CRIM1: variants seen among roughly 807,000 people sequenced by gnomAD.
The protein encoded by CRIM1 is cysteine rich transmembrane BMP regulator 1.
In CRIM1, 32 loss-of-function variants were observed where a neutral mutation model predicts 116.4. The observed-to-expected ratio is 0.27, with a 90% CI of 0.21 to 0.37. The LOEUF (loss-of-function observed/expected upper bound fraction) is 0.37. Among genes scored for constraint, CRIM1 ranks in the 10% least tolerant of loss-of-function variants. The probability of loss-of-function intolerance (pLI) is 1.00; values close to 1 mark genes in which losing one functional copy is unlikely to be tolerated. For missense variants in CRIM1, 1,331 were observed against 1,354.8 expected (o/e 0.98, Z 0.28); for synonymous variants, 590 against 509.2 (o/e 1.16, Z -2.13).
intron 8 of CRIM1, among the ~76,000 whole-genome samples, chr2:36,506,157 ACTCTCTCT>A (rs1191448142): frequency 4.8e-5 from 6 of 125,204 alleles, no homozygotes; most frequent in African/African-American, 1.6e-4. Flanking sequence ...ACACACACAC[ACTCTCTCT>A]CTCTCTCTCT....
chr2:36,500,544 C>T (rs932701988), intron 8 of CRIM1, among the ~76,000 whole-genome samples: 43 of 152,074 alleles, frequency 2.8e-4, no homozygotes, highest in Admixed American at 2.7e-3. Flanking sequence ...TATAAATACC[C>T]GGCCAAATAT....
chr2:36,479,535 G>T lies in CRIM1; in HGVS notation c.1213G>T (p.Ala405Ser). 6.2e-7 allele frequency: 1 copy of T among 1,614,204 alleles called. No individual in the cohort carries two copies. Among genetic ancestry groups the T allele is most frequent in the Non-Finnish European group, 8.5e-7 (1 of 1,180,030 alleles). ...YPFNNPAGCY[A>S]NGLILAHGDR... ...TTTTAATAATCCCGCTGGCTGCTATGCCAATGGCCTGATCCTTGCCCACGG... is the reference window on the plus strand; with the variant it reads ...TTTTAATAATCCCGCTGGCTGCTATTCCAATGGCCTGATCCTTGCCCACGG... Residue 405 changes from alanine to serine, a missense_variant, in exon 7 of 17, where the codon GCC becomes TCC. Ala to Ser is a moderately conservative substitution (Grantham distance 99). This residue lies in a region of CRIM1 where 690 missense variants were observed against 676.0 expected (regional missense o/e 1.02). Transcript: ENST00000280527.
chr2:36,355,813 C>T lies in CRIM1; in HGVS notation c.-480C>T, dbSNP rs1668759612. ...CGAGCGGGGCGCGCGGAGCGGACGCCGCGGATCTTGTGCTGCGCCACCGCG... is the reference window on the plus strand; with the variant it reads ...CGAGCGGGGCGCGCGGAGCGGACGCTGCGGATCTTGTGCTGCGCCACCGCG... On this transcript the variant is annotated 5_prime_UTR_variant, in exon 1 of 17. Transcript: ENST00000280527. 6.6e-6 allele frequency: 1 copy of T among 151,248 alleles called. No individual in the cohort carries two copies. Among genetic ancestry groups the T allele is most frequent in the Non-Finnish European group, 1.5e-5 (1 of 67,808 alleles). 9.4% of individuals were successfully genotyped at this position (151,248 alleles called of 1,614,324 possible). A position where few individuals can be genotyped will look rare whatever the true frequency, so the allele number is the denominator to read the frequency against.
intron 1 of CRIM1, among the ~76,000 whole-genome samples, chr2:36,361,539 AG>A (rs890156930): frequency 6.6e-6 from 1 of 152,120 alleles, no homozygotes; most frequent in Non-Finnish European, 1.5e-5. Flanking sequence ...GGAGGTAATG[AG>A]GGGGTGGACT....
intron 4 of CRIM1, among the ~76,000 whole-genome samples, chr2:36,446,919 C>G (rs955783195): frequency 1.3e-5 from 2 of 152,174 alleles, no homozygotes; most frequent in African/African-American, 2.4e-5. Context: ...TGTACAGATG[C>G]TGCTGTGCAT....
intron 4 of CRIM1, among the ~76,000 whole-genome samples, chr2:36,447,761 A>G (rs1676362605): frequency 6.6e-6 from 1 of 152,134 alleles, no homozygotes; most frequent in South Asian, 2.1e-4. Flanking sequence ...GGCCATTTTT[A>G]ATCCACCCTA....
intron 8 of CRIM1, among the ~76,000 whole-genome samples, chr2:36,505,957 A>T (rs1037878345): frequency 1.3e-5 from 2 of 152,144 alleles, no homozygotes; most frequent in Non-Finnish European, 1.5e-5. Context: ...CGTTTGTGTG[A>T]TTATCACCTG....
Position 36,479,638 on chromosome 2 carries a change from G to T in CRIM1, c.1316G>T (p.Gly439Val). ...GERHCVATVC[G>V]QTCTNPVKVP... ...CGCCACTGCGTTGCGACCGTCTGCG[G>T]ACAGACCTGCACAAACCCTGTGAAA... is the stretch of plus-strand genomic sequence containing the variant. Residue 439 changes from glycine to valine, a missense_variant, in exon 7 of 17, where the codon GGA becomes GTA. Coordinates refer to ENST00000280527, the MANE Select transcript of CRIM1 (RefSeq NM_016441.3). 6.2e-7 allele frequency: 1 copy of T among 1,614,230 alleles called. No homozygotes were observed. The highest frequency in any genetic ancestry group is 1.1e-5 in the South Asian group (1 of 91,084).
intron 1 of CRIM1, among the ~76,000 whole-genome samples, chr2:36,358,928 A>G (rs1669037278): frequency 6.6e-6 from 1 of 152,192 alleles, no homozygotes; most frequent in Non-Finnish European, 1.5e-5. Flanking sequence ...GACAAGATTT[A>G]TGGAAAGCAT....
intron 7 of CRIM1, among the ~76,000 whole-genome samples, chr2:36,484,503 G>A (rs893846911): frequency 2.6e-5 from 4 of 152,116 alleles, no homozygotes; most frequent in Admixed American, 2.6e-4. Flanking sequence ...TAACATCCCC[G>A]TGATTACTCA....
intron 7 of CRIM1, among the ~76,000 whole-genome samples, chr2:36,485,936 T>C (rs1679785772): frequency 6.6e-6 from 1 of 152,242 alleles, no homozygotes; most frequent in Non-Finnish European, 1.5e-5. Flanking sequence ...TATAACACAG[T>C]CTATTTTTTG....
chr2:36,484,892 C>T (rs1572847288), intron 7 of CRIM1, among the ~76,000 whole-genome samples: 1 of 152,148 alleles, frequency 6.6e-6, no homozygotes, highest in East Asian at 1.9e-4. Flanking sequence ...GGGTAGTTTC[C>T]CCTCTACTAT....
intron 7 of CRIM1, among the ~76,000 whole-genome samples, chr2:36,490,125 A>AT (rs1176035950): frequency 1.3e-5 from 2 of 152,136 alleles, no homozygotes; most frequent in African/African-American, 4.8e-5. Context: ...TTGCCATACT[A>AT]TTTATCAGCT....
Position 36,530,058 on chromosome 2 carries a change from G to C in CRIM1, c.2429-7294G>C, listed in dbSNP as rs150973340. On this transcript the variant is annotated intron_variant, in intron 13 of 16. Coordinates refer to ENST00000280527, the MANE Select transcript of CRIM1 (RefSeq NM_016441.3). Reference sequence around the variant, plus strand: ...GATTTTTTTTTATTGGAAGCTAAAAGTTATAAAGTAAAATACCCAAAGATT... The same window carrying C: ...GATTTTTTTTTATTGGAAGCTAAAACTTATAAAGTAAAATACCCAAAGATT... Among the ~76,000 whole-genome samples, 743 of 152,194 alleles carry C rather than the reference G, an allele frequency of 4.9e-3. 4 individuals are homozygous for C. Among genetic ancestry groups the C allele is most frequent in the African/African-American group, 0.017 (715 of 41,522 alleles).
At chr2:36,480,755 C>T (rs531200049) in intron 7 of CRIM1, among the ~76,000 whole-genome samples, 1 of 152,218 alleles carries the variant, frequency 6.6e-6, no homozygotes, top group East Asian at 1.9e-4. Context: ...TCACCGATTC[C>T]CTTGTCATTA....
intron 4 of CRIM1, among the ~76,000 whole-genome samples, chr2:36,443,848 A>C (rs886234469): frequency 2.6e-5 from 4 of 152,216 alleles, no homozygotes; most frequent in Non-Finnish European, 4.4e-5. Context: ...TGTTCTGTCA[A>C]ACCTAGTATT....
At chr2:36,434,016 C>G (rs1675099620) in intron 2 of CRIM1, among the ~76,000 whole-genome samples, 1 of 152,116 alleles carries the variant, frequency 6.6e-6, no homozygotes, top group Non-Finnish European at 1.5e-5. Context: ...ATTTTTTCCC[C>G]TTGGGGTTAT....
At chr2:36,513,235 C>T in intron 10 of CRIM1, 1 of 298,572 alleles carries the variant, frequency 3.3e-6, no homozygotes, top group Non-Finnish European at 6.4e-6. Flanking sequence ...TGAATACATT[C>T]AACATATTTG....
chr2:36,408,272 G>A (rs1672959848), intron 2 of CRIM1, among the ~76,000 whole-genome samples: 1 of 152,208 alleles, frequency 6.6e-6, no homozygotes, highest in Non-Finnish European at 1.5e-5. Flanking sequence ...ACTGACCTTA[G>A]CAGGGTGACA....
Sources: allele counts gnomAD v4.1 joint callset (sites outside exome capture counted in the v4.1 genomes callset), GRCh38; gene constraint gnomAD v4.1.1; regional missense constraint gnomAD v4.1.1; transcripts MANE v1.5; gene names NCBI Gene and HGNC (gene_info 2026-07-23, HGNC 2026-07-21).